DTHD1: variants seen among roughly 807,000 people sequenced by gnomAD.
The protein encoded by DTHD1 is death domain-containing protein 1.
A neutral mutation model predicts 74.8 loss-of-function variants in DTHD1; 59 were observed. The ratio of observed to expected loss-of-function variants is 0.79; its 90% confidence interval spans 0.64 to 0.98. DTHD1 has a LOEUF of 0.98. DTHD1 is among the 50% of genes least tolerant of loss of function. The probability of loss-of-function intolerance (pLI) is 0.00; values close to 1 mark genes in which losing one functional copy is unlikely to be tolerated. For synonymous variants in DTHD1, 365 were observed against 371.1 expected, an observed-to-expected ratio of 0.98 and a Z score of 0.19; for missense variants, 1,051 against 1,065.4, an observed-to-expected ratio of 0.99 and a Z score of 0.19.
At position 36,284,330 on chromosome 4, in the gene DTHD1, A is replaced by T; in HGVS notation, c.626A>T (p.Asn209Ile). The T allele has an allele frequency of 6.5e-7, 1 of 1,537,242 alleles. No individual in the cohort carries two copies. Among genetic ancestry groups the T allele is most frequent in the Admixed American group, 2.0e-5 (1 of 51,008 alleles). Reference sequence around the variant, plus strand: ...GTACTGGGGCAAGAAGAGTCACAGAATAAAATGTTCCCAGATAATGCAGAA... The same window carrying T: ...GTACTGGGGCAAGAAGAGTCACAGATTAAAATGTTCCCAGATAATGCAGAA... ...GRVLGQEESQ[N>I]KMFPDNAENE... Residue 209 changes from asparagine to isoleucine, a missense_variant, in exon 2 of 10, where the codon AAT (asparagine) becomes ATT (isoleucine). Coordinates refer to ENST00000639862, the MANE Select transcript of DTHD1 (RefSeq NM_001170700.3).
intron 2 of DTHD1, 143 bp from the exon 3 acceptor site, chr4:36,290,230 G>T (rs1755982938): frequency 1.3e-6 from 1 of 785,272 alleles, no homozygotes; most frequent in Non-Finnish European, 2.0e-6. Context: ...AGAGGCTGAG[G>T]ATCTTGCCCA....
chr4:36,339,286 A>C (rs561042837), intron 9 of DTHD1, 117 bp downstream of exon 9: 1 of 669,712 alleles, frequency 1.5e-6, no homozygotes, highest in Admixed American at 3.5e-5. Flanking sequence ...TCAAACAATC[A>C]TTAACTTTAT....
At chr4:36,328,156 A>G (rs1319898348) in intron 8 of DTHD1, among the ~76,000 whole-genome samples, 1 of 152,232 alleles carries the variant, frequency 6.6e-6, no homozygotes, top group African/African-American at 2.4e-5. Flanking sequence ...CATGATTGGT[A>G]GTAGCCTGAT....
At chr4:36,285,571 G>T (rs767299319) in intron 2 of DTHD1, among the ~76,000 whole-genome samples, 7 of 151,424 alleles carry the variant, frequency 4.6e-5, no homozygotes. Flanking sequence ...AGGTAATAAG[G>T]CCCTATTTGT....
intron 2 of DTHD1, among the ~76,000 whole-genome samples, chr4:36,285,959 C>T (rs910530920): frequency 1.3e-5 from 2 of 152,300 alleles, no homozygotes; most frequent in Middle Eastern, 6.8e-3. Context: ...CCCATCTCTG[C>T]TTTGATGTAC....
chr4:36,339,783 A>G (rs1221374472), intron 9 of DTHD1, among the ~76,000 whole-genome samples: 4 of 152,232 alleles, frequency 2.6e-5, no homozygotes, highest in African/African-American at 9.6e-5. Context: ...CATCAGGTCC[A>G]TTATGAATGA....
At chr4:36,291,084 T>C (rs1756048187) in intron 3 of DTHD1, among the ~76,000 whole-genome samples, 1 of 152,246 alleles carries the variant, frequency 6.6e-6, no homozygotes, top group Admixed American at 6.5e-5. Flanking sequence ...TTAATTTTTA[T>C]TATCCACGGG....
rs746044592 is a variant in DTHD1 at position 36,319,628 on chromosome 4, T to C, written c.2340+3142T>C. Among the ~76,000 whole-genome samples the C allele has an allele frequency of 6.8e-4, 104 of 152,206 alleles. 1 individual carries two copies. The highest frequency in any genetic ancestry group is 2.5e-3 in the Admixed American group (38 of 15,280). On this transcript the variant is annotated intron_variant, in intron 8 of 9. Transcript: ENST00000639862. Reference sequence around the variant, plus strand: ...GCCTTACTGAGATGATGGCAGACCATGCAAAGAAAGGCCGTTATGTCAGAG... The same window carrying C: ...GCCTTACTGAGATGATGGCAGACCACGCAAAGAAAGGCCGTTATGTCAGAG...
At chr4:36,334,272 T>G (rs1758867558) in intron 8 of DTHD1, among the ~76,000 whole-genome samples, 1 of 152,150 alleles carries the variant, frequency 6.6e-6, no homozygotes, top group African/African-American at 2.4e-5. Flanking sequence ...AATCCAAGTG[T>G]GAGCTTCCCT....
At chr4:36,296,674 G>A (rs1459083503) in intron 5 of DTHD1, among the ~76,000 whole-genome samples, 1 of 151,720 alleles carries the variant, frequency 6.6e-6, no homozygotes, top group Non-Finnish European at 1.5e-5. Context: ...ATGTGCTTGG[G>A]TAATTTCCTT....
chr4:36,328,459 GA>G (rs559259456), intron 8 of DTHD1, among the ~76,000 whole-genome samples: 2 of 151,904 alleles, frequency 1.3e-5, no homozygotes, highest in African/African-American at 2.4e-5. Context: ...TACTTATTTA[GA>G]AAAAAAACCG....
At chr4:36,293,773 C>T (rs1756230143) in intron 4 of DTHD1, 68 bp downstream of exon 4, 2 of 1,303,794 alleles carry the variant, frequency 1.5e-6, no homozygotes, top group Non-Finnish European at 2.0e-6. Context: ...TGGTTCTAAA[C>T]AACAAAGAAG....
At chr4:36,343,363 A>G (rs1381625404) in intron 9 of DTHD1, 139 bp from the exon 10 acceptor site, 5 of 702,452 alleles carry the variant, frequency 7.1e-6, no homozygotes, top group East Asian at 2.7e-5. Flanking sequence ...TTGTTGCTCC[A>G]GGTAGTCTCA....
intron 5 of DTHD1, among the ~76,000 whole-genome samples, chr4:36,301,436 G>A (rs527750508): frequency 1.3e-4 from 20 of 152,112 alleles, no homozygotes; most frequent in Admixed American, 8.5e-4. Flanking sequence ...GTCGACAGCC[G>A]TGATTTCTGC....
Position 36,345,748 on chromosome 4 carries a change from T to G in DTHD1, c.*1924T>G, listed in dbSNP as rs1759553744. 1 of 152,224 alleles carries G rather than the reference T, an allele frequency of 6.6e-6. No homozygotes were observed. The highest frequency in any genetic ancestry group is 1.5e-5 in the Non-Finnish European group (1 of 68,046). The allele number at this position is 152,224 out of a possible 1,614,324, so 9.4% of individuals were successfully genotyped here. ...ACAAAAAAGTAAAGAAAATGAAAGT[T>G]GCTTCTTATCCTGTCATTAGAGATT... On this transcript the variant is annotated 3_prime_UTR_variant, in exon 10 of 10. Transcript: ENST00000639862.
At chr4:36,288,399 C>T (rs1224068680) in intron 2 of DTHD1, among the ~76,000 whole-genome samples, 2 of 152,178 alleles carry the variant, frequency 1.3e-5, no homozygotes, top group Non-Finnish European at 2.9e-5. Flanking sequence ...TGCTGGGTCT[C>T]TGATGTTATC....
intron 5 of DTHD1, among the ~76,000 whole-genome samples, chr4:36,297,560 C>G (rs918585914): frequency 1.3e-5 from 2 of 152,012 alleles, no homozygotes; most frequent in African/African-American, 4.8e-5. Flanking sequence ...TTTTCTTGAG[C>G]CAACAAGCAA....
chr4:36,313,701 T>C (rs1757531607), intron 7 of DTHD1, among the ~76,000 whole-genome samples: 1 of 152,226 alleles, frequency 6.6e-6, no homozygotes, highest in Non-Finnish European at 1.5e-5. Flanking sequence ...GTATACATTT[T>C]AGGTCTCAAT....
At chr4:36,343,210 T>C (rs1312379261) in intron 9 of DTHD1, among the ~76,000 whole-genome samples, 2 of 152,148 alleles carry the variant, frequency 1.3e-5, no homozygotes, top group East Asian at 1.9e-4. Flanking sequence ...AATTAGATCA[T>C]GTAGAGCAGA....
Sources: gnomAD v4.1 joint callset for allele counts (sites outside exome capture counted in the v4.1 genomes callset) on GRCh38, gnomAD v4.1.1 for gene constraint, MANE v1.5 for transcripts, NCBI Gene and HGNC (gene_info 2026-07-23, HGNC 2026-07-21) for gene names.